The following UBE2D2 variants were observed in gnomAD, a reference collection of about 807,000 sequenced individuals.
UBE2D2 encodes the protein ubiquitin-conjugating enzyme E2 D2.
Under a neutral mutation model 24.2 loss-of-function variants are expected in UBE2D2, and 2 were observed. That is an observed-to-expected ratio of 0.08 (90% CI 0.03 to 0.26). UBE2D2 has a LOEUF of 0.26. UBE2D2 is among the 10% of genes least tolerant of loss of function. UBE2D2 has a pLI of 1.00. For missense variants in UBE2D2, 44 were observed against 177.6 expected (o/e 0.25, Z 4.28); for synonymous variants, 58 against 56.5 (o/e 1.03, Z -0.12).
chr5:139,551,303 C>T (rs764839386), intron 1 of UBE2D2, among the ~76,000 whole-genome samples: 8 of 152,088 alleles, frequency 5.3e-5, no homozygotes, highest in African/African-American at 7.2e-5. Context: ...GAGCTAAGAT[C>T]GTGCCATTGC....
intron 1 of UBE2D2, among the ~76,000 whole-genome samples, chr5:139,540,277 A>T (rs1417656500): frequency 3.3e-5 from 5 of 152,082 alleles, no homozygotes; most frequent in Admixed American, 3.3e-4. Context: ...GAACACTGGA[A>T]CTCTCTGTAC....
intron 1 of UBE2D2, among the ~76,000 whole-genome samples, chr5:139,547,083 G>A (rs540828584): frequency 1.3e-5 from 2 of 151,832 alleles, no homozygotes; most frequent in Non-Finnish European, 2.9e-5. Context: ...GAGGTCAGGA[G>A]ATCAAGACCA....
At chr5:139,555,924 CAAAAAAAAAAAAAAAA>C (rs1168084041) in intron 1 of UBE2D2, among the ~76,000 whole-genome samples, 4 of 9,298 alleles carry the variant, frequency 4.3e-4, no homozygotes, top group South Asian at 4.7e-3. Context: ...GACTCCATCT[CAAAAAAAAAAAAAAAA>C]AAAAAAAAAA....
At chr5:139,557,913 T>TA (rs1174621246), upstream of UBE2D2, among the ~76,000 whole-genome samples, 1 of 151,798 alleles carries the variant, frequency 6.6e-6, no homozygotes, top group Non-Finnish European at 1.5e-5. Context: ...TGATTTTTTT[T>TA]AAAAAAAGAT....
chr5:139,607,834 C>T (rs1013191968), intron 2 of UBE2D2, among the ~76,000 whole-genome samples: 5 of 151,816 alleles, frequency 3.3e-5, no homozygotes, highest in Non-Finnish European at 4.4e-5. Flanking sequence ...TAGCAAGACC[C>T]GATCTCTACA....
intron 1 of UBE2D2, among the ~76,000 whole-genome samples, chr5:139,583,869 T>C (rs1753659578): frequency 6.6e-6 from 1 of 152,212 alleles, no homozygotes; most frequent in Non-Finnish European, 1.5e-5. Context: ...GACATTTTGG[T>C]CAATGACAGA....
At chr5:139,601,611 C>T (rs1315187705) in intron 2 of UBE2D2, among the ~76,000 whole-genome samples, 1 of 151,996 alleles carries the variant, frequency 6.6e-6, no homozygotes, top group African/African-American at 2.4e-5. Flanking sequence ...GAGACGCTGT[C>T]TCAAAAAATA....
chr5:139,625,645 G>T (rs1229254768), intron 6 of UBE2D2, among the ~76,000 whole-genome samples: 2 of 148,900 alleles, frequency 1.3e-5, no homozygotes, highest in Non-Finnish European at 3.0e-5. Context: ...TTGCTCCGTT[G>T]CCCAGGTGGA....
intron 2 of UBE2D2, among the ~76,000 whole-genome samples, chr5:139,602,471 G>GTGCGAGACCAGCCTGGGCAACA (rs1754100010): frequency 6.6e-6 from 1 of 152,190 alleles, no homozygotes; most frequent in African/African-American, 2.4e-5. Context: ...GAGCCCAGGA[G>GTGCGAGACCAGCCTGGGCAACA]TGCGAGACCA....
chr5:139,554,699 G>A (rs184843055), intron 1 of UBE2D2, among the ~76,000 whole-genome samples: 17 of 152,266 alleles, frequency 1.1e-4, no homozygotes, highest in African/African-American at 2.9e-4. Context: ...AGAGTAGAAC[G>A]GCTGCGTCAT....
At chr5:139,625,266 T>TTTCCAGCCTCCCCA (rs1561523398) in intron 6 of UBE2D2, among the ~76,000 whole-genome samples, 3 of 147,752 alleles carry the variant, frequency 2.0e-5, no homozygotes, top group Admixed American at 6.8e-5. Flanking sequence ...CCACTACACC[T>TTTCCAGCCTCCCCA]GGCTAATTTG....
chr5:139,540,297 T>C (rs1752738191), intron 1 of UBE2D2, among the ~76,000 whole-genome samples: 1 of 152,202 alleles, frequency 6.6e-6, no homozygotes, highest in South Asian at 2.1e-4. Context: ...CTATTTTTGC[T>C]AGTTCCAGTG....
intron 2 of UBE2D2, among the ~76,000 whole-genome samples, chr5:139,606,476 C>T (rs901868774): frequency 8.6e-5 from 13 of 151,952 alleles, no homozygotes; most frequent in African/African-American, 2.7e-4. Flanking sequence ...CCCTTTTAAC[C>T]TCAAGGCTTC....
At chr5:139,623,836 C>T (rs778227171) in intron 6 of UBE2D2, among the ~76,000 whole-genome samples, 3 of 151,988 alleles carry the variant, frequency 2.0e-5, no homozygotes, top group South Asian at 2.1e-4. Flanking sequence ...GGATTACAGG[C>T]GCAGGCCACC....
intron 1 of UBE2D2, among the ~76,000 whole-genome samples, chr5:139,552,483 CT>C (rs905040335): frequency 6.7e-6 from 1 of 148,776 alleles, no homozygotes; most frequent in East Asian, 2.0e-4. Flanking sequence ...TAGCTAACTT[CT>C]TTTTTTGTTT....
chr5:139,566,661 T>G (rs1753226889), intron 1 of UBE2D2, among the ~76,000 whole-genome samples: 1 of 151,766 alleles, frequency 6.6e-6, no homozygotes, highest in African/African-American at 2.4e-5. Flanking sequence ...TGCAACAGAG[T>G]GAGACCCTGT....
chr5:139,527,252 A>G (rs1427123621), intron 1 of UBE2D2, among the ~76,000 whole-genome samples: 1 of 152,146 alleles, frequency 6.6e-6, no homozygotes, highest in African/African-American at 2.4e-5. Flanking sequence ...ACCAGTTTCT[A>G]TACATAGACA....
At chr5:139,574,280 CAAAA>C (rs756512602) in intron 1 of UBE2D2, among the ~76,000 whole-genome samples, 9 of 59,334 alleles carry the variant, frequency 1.5e-4, no homozygotes, top group Admixed American at 2.1e-4. Context: ...AACTCTGTCT[CAAAA>C]AAAAAAAAAA....
intron 1 of UBE2D2, among the ~76,000 whole-genome samples, chr5:139,582,987 T>C (rs1218836211): frequency 4.6e-5 from 7 of 151,304 alleles, no homozygotes; most frequent in Admixed American, 6.6e-5. Flanking sequence ...CTTTTTTTTT[T>C]TTTTGAAGAC....
Sources: gnomAD v4.1 joint callset for allele counts (sites outside exome capture counted in the v4.1 genomes callset) on GRCh38, gnomAD v4.1.1 for gene constraint, MANE v1.5 for transcripts, NCBI Gene and HGNC (gene_info 2026-07-23, HGNC 2026-07-21) for gene names.